The following STAP1 variants were observed in gnomAD, a reference collection of about 807,000 sequenced individuals.
STAP1 encodes the protein signal transducing adaptor family member 1.
In STAP1, 30 loss-of-function variants were observed where a neutral mutation model predicts 37.8. The observed-to-expected ratio is 0.79, with a 90% confidence interval of 0.59 to 1.08. The LOEUF is 1.08. Ranked by LOEUF, STAP1 falls within the 50% of genes least tolerant of loss-of-function variation. STAP1 has a pLI of 0.00. For missense variants in STAP1, 357 were observed against 349.4 expected, an observed-to-expected ratio of 1.02 and a Z score of -0.17; for synonymous variants, 130 against 116.0, an observed-to-expected ratio of 1.12 and a Z score of -0.78.
chr4:67,564,499 CT>C (rs1292773947), intron 1 of STAP1, among the ~76,000 whole-genome samples: 1 of 152,044 alleles, frequency 6.6e-6, no homozygotes, highest in African/African-American at 2.4e-5. Flanking sequence ...GTTTTTATAC[CT>C]TATGGCAGGG....
At chr4:67,586,282 C>A (rs984117056) in intron 6 of STAP1, among the ~76,000 whole-genome samples, 7 of 152,226 alleles carry the variant, frequency 4.6e-5, no homozygotes, top group African/African-American at 1.4e-4. Context: ...CATGGTGAAA[C>A]CCTATCTCTA....
At chr4:67,569,553 A>G (rs1401436348) in intron 1 of STAP1, among the ~76,000 whole-genome samples, 1 of 151,996 alleles carries the variant, frequency 6.6e-6, no homozygotes, top group Non-Finnish European at 1.5e-5. Context: ...CTGCAAAAAT[A>G]TTTTATTTCT....
rs1727912920 is a variant in STAP1 at position 67,583,593 on chromosome 4, C to T, written c.550C>T (p.Arg184Trp). The T allele has an allele frequency of 6.8e-6, 11 of 1,612,300 alleles. No homozygotes were observed. Among genetic ancestry groups the T allele is most frequent in the Non-Finnish European group, 7.6e-6 (9 of 1,179,138 alleles). ...CTGTAGATGTTTTTATACAGTGTCC[C>T]GGAAAGAGGCAACTGAGATGCTCCA... Reference protein sequence around the residue: ...PMPACFYTVSRKEATEMLQKN... With the variant: ...PMPACFYTVSWKEATEMLQKN... The change falls in exon 6 of 9, where the codon CGG becomes TGG. Residue 184 changes from arginine (R) to tryptophan (W), a missense_variant. By Grantham distance (101) the Arg-to-Trp change is moderately radical. Transcript: ENST00000265404.
intron 8 of STAP1, among the ~76,000 whole-genome samples, chr4:67,593,988 C>G (rs552046699): frequency 7.9e-5 from 12 of 152,256 alleles, no homozygotes; most frequent in African/African-American, 1.9e-4. Flanking sequence ...GCATGAGACC[C>G]TATGCAACTG....
At chr4:67,606,199 C>A in intron 8 of STAP1, 97 bp from the exon 9 acceptor site, 1 of 913,606 alleles carries the variant, frequency 1.1e-6, no homozygotes, top group Non-Finnish European at 1.7e-6. Context: ...AGCAATGTTC[C>A]ACACACGAGC....
intron 4 of STAP1, among the ~76,000 whole-genome samples, chr4:67,577,480 T>A (rs149861911): frequency 3.7e-4 from 57 of 152,246 alleles, no homozygotes; most frequent in African/African-American, 1.3e-3. Flanking sequence ...GTGACAATTG[T>A]TATGAAGAAA....
intron 1 of STAP1, among the ~76,000 whole-genome samples, chr4:67,565,909 T>A (rs942489679): frequency 1.4e-5 from 2 of 146,584 alleles, no homozygotes; most frequent in Non-Finnish European, 3.0e-5. Context: ...TCATACCCAC[T>A]TCTCTTCCCC....
chr4:67,601,025 T>A (rs1220647843), intron 8 of STAP1, among the ~76,000 whole-genome samples: 3 of 152,180 alleles, frequency 2.0e-5, no homozygotes, highest in African/African-American at 7.2e-5. Flanking sequence ...GTTTTCTCAT[T>A]GTTTTGTGGT....
rs1440227405 is a variant in STAP1, at chr4:67,558,912, A to G, written c.103A>G (p.Lys35Glu). ...GTACTTTGAAGGTTTTTTATTAATCAAGCGGTCAGGATACCGGGTGAGTCT... is the reference window on the plus strand; with the variant it reads ...GTACTTTGAAGGTTTTTTATTAATCGAGCGGTCAGGATACCGGGTGAGTCT... ...PLYFEGFLLI[K>E]RSGYREYEHY... The change falls in exon 1 of 9, where the codon AAG becomes GAG. Residue 35 changes from lysine to glutamate, a missense_variant. Coordinates refer to ENST00000265404, the MANE Select transcript of STAP1 (RefSeq NM_012108.4). 1.2e-6 allele frequency: 2 copies of G among 1,612,778 alleles called. No homozygotes were observed. Among genetic ancestry groups the G allele is most frequent in the African/African-American group, 2.7e-5 (2 of 74,886 alleles).
Position 67,567,117 on chromosome 4 carries a change from G to A in STAP1, c.121-3967G>A, listed in dbSNP as rs147438174. The stretch of plus-strand genomic sequence containing the variant: ...AGAAGGAAAGAAAAGACTTTGGATG[G>A]GGTTGAAATTAAGATGTGTTTTCTT... On this transcript the variant is annotated intron_variant, in intron 1 of 8. Coordinates refer to ENST00000265404, the MANE Select transcript of STAP1 (RefSeq NM_012108.4). Among the ~76,000 whole-genome samples the A allele has an allele frequency of 3.3e-5, 5 of 152,258 alleles. No homozygotes were observed. In the East Asian group the frequency reaches 9.6e-4, roughly 29 times the overall value.
chr4:67,562,971 A>T (rs1257612581), intron 1 of STAP1, among the ~76,000 whole-genome samples: 1 of 152,164 alleles, frequency 6.6e-6, no homozygotes, highest in Non-Finnish European at 1.5e-5. Context: ...CATTTTGGAG[A>T]CCACTATACA....
chr4:67,565,078 T>C (rs756423399), intron 1 of STAP1, among the ~76,000 whole-genome samples: 1 of 152,202 alleles, frequency 6.6e-6, no homozygotes, highest in Non-Finnish European at 1.5e-5. Flanking sequence ...TTACCATTAA[T>C]GCAGGGTGGG....
chr4:67,588,502 C>T (rs190717653), intron 6 of STAP1, among the ~76,000 whole-genome samples: 61 of 152,214 alleles, frequency 4.0e-4, no homozygotes, highest in Non-Finnish European at 6.9e-4. Flanking sequence ...CTCCGCCTCC[C>T]GGGTTCACGC....
intron 6 of STAP1, among the ~76,000 whole-genome samples, chr4:67,585,282 T>C (rs1727956458): frequency 6.6e-6 from 1 of 152,212 alleles, no homozygotes; most frequent in African/African-American, 2.4e-5. Flanking sequence ...ATCTATCTAC[T>C]AATCCACCCC....
In STAP1 at chr4:67,588,237, AT is replaced by A. The variant is rs924148986; in HGVS notation, c.660-2639del. On this transcript the variant is annotated intron_variant, in intron 6 of 8. Coordinates refer to ENST00000265404, the MANE Select transcript of STAP1 (RefSeq NM_012108.4). Reference sequence around the variant, plus strand: ...GTCAAAACCTAAGCAACTTCAATGGATTTTTTTTCCCACCTCTTTCTGTTCC... The same window carrying A: ...GTCAAAACCTAAGCAACTTCAATGGATTTTTTTCCCACCTCTTTCTGTTCC... Among the ~76,000 whole-genome samples, 11 of 151,738 alleles carry A rather than the reference AT, an allele frequency of 7.2e-5. 1 individual carries two copies. Among genetic ancestry groups the A allele is most frequent in the African/African-American group, 1.9e-4 (8 of 41,388 alleles).
At chr4:67,559,473 A>G (rs1297997719) in intron 1 of STAP1, among the ~76,000 whole-genome samples, 2 of 152,104 alleles carry the variant, frequency 1.3e-5, no homozygotes, top group African/African-American at 2.4e-5. Context: ...TATTCAAGAT[A>G]GTGACTTTTA....
chr4:67,589,583 A>T (rs1728077819), intron 6 of STAP1, among the ~76,000 whole-genome samples: 1 of 152,210 alleles, frequency 6.6e-6, no homozygotes, highest in Admixed American at 6.5e-5. Context: ...TGTACATAGG[A>T]CAAATGCTTA....
chr4:67,606,467 A>G lies in STAP1; in HGVS notation c.*110A>G. The G allele has an allele frequency of 1.2e-6, 1 of 855,458 alleles. No homozygotes were observed. Among genetic ancestry groups the G allele is most frequent in the Non-Finnish European group, 1.8e-6 (1 of 560,410 alleles). The allele number at this position is 855,458 out of a possible 1,614,324, so 53.0% of individuals were successfully genotyped here. On this transcript the variant is annotated 3_prime_UTR_variant, in exon 9 of 9. Transcript: ENST00000265404. Reference sequence around the variant, plus strand: ...TTCTCCTGATACTGATTACCAAGTCATTCACCTGAACACCAGAATTAGAAT... The same window carrying G: ...TTCTCCTGATACTGATTACCAAGTCGTTCACCTGAACACCAGAATTAGAAT...
intron 5 of STAP1, among the ~76,000 whole-genome samples, chr4:67,582,952 T>C (rs1727898202): frequency 6.6e-6 from 1 of 152,230 alleles, no homozygotes; most frequent in Non-Finnish European, 1.5e-5. Flanking sequence ...CAGTAAGTTA[T>C]GCATATTAAA....
Sources: allele counts gnomAD v4.1 joint callset (sites outside exome capture counted in the v4.1 genomes callset), GRCh38; gene constraint gnomAD v4.1.1; transcripts MANE v1.5; gene names NCBI Gene and HGNC (gene_info 2026-07-23, HGNC 2026-07-21).